Variants in THSD4 observed in about 807,000 individuals in gnomAD.
The protein encoded by THSD4 is thrombospondin type-1 domain-containing protein 4.
Under a neutral mutation model 119.0 loss-of-function variants are expected in THSD4, and 69 were observed. That is an observed-to-expected ratio of 0.58 (90% CI 0.48 to 0.71). The LOEUF is 0.71. Ranked by LOEUF, THSD4 falls within the 30% of genes least tolerant of loss-of-function variation. The probability of loss-of-function intolerance (pLI) is 0.00; values close to 1 mark genes in which losing one functional copy is unlikely to be tolerated. For synonymous variants in THSD4, 524 were observed against 540.4 expected, an observed-to-expected ratio of 0.97 and a Z score of 0.42; for missense variants, 1,393 against 1,391.1, an observed-to-expected ratio of 1.00 and a Z score of -0.02.
chr15:71,210,754 T>C (rs2043881741), intron 3 of THSD4, among the ~76,000 whole-genome samples: 1 of 152,202 alleles, frequency 6.6e-6, no homozygotes, highest in Non-Finnish European at 1.5e-5. Flanking sequence ...TTTTCACTAA[T>C]TAATATAGTG....
At chr15:71,691,720 T>C (rs2052054225) in intron 8 of THSD4, among the ~76,000 whole-genome samples, 1 of 152,204 alleles carries the variant, frequency 6.6e-6, no homozygotes, top group Admixed American at 6.5e-5. Context: ...CCCTGGGAAG[T>C]GTTTCTCTTT....
At chr15:71,441,544 C>T (rs561544965) in intron 7 of THSD4, among the ~76,000 whole-genome samples, 60 of 149,840 alleles carry the variant, frequency 4.0e-4, no homozygotes, top group East Asian at 3.4e-3. Flanking sequence ...TACAGGTGTG[C>T]GCCACCACAC....
At chr15:71,560,542 T>C (rs898285461) in intron 7 of THSD4, among the ~76,000 whole-genome samples, 1 of 152,226 alleles carries the variant, frequency 6.6e-6, no homozygotes, top group African/African-American at 2.4e-5. Flanking sequence ...TGAAGAATGC[T>C]TAGGGGTTTC....
At chr15:71,241,997 C>T (rs976370031) in intron 4 of THSD4, among the ~76,000 whole-genome samples, 1 of 152,094 alleles carries the variant, frequency 6.6e-6, no homozygotes, top group Non-Finnish European at 1.5e-5. Flanking sequence ...TGAAGATGGC[C>T]ATTTACCCAT....
At chr15:71,692,524 G>C (rs1429927018) in intron 8 of THSD4, among the ~76,000 whole-genome samples, 3 of 152,170 alleles carry the variant, frequency 2.0e-5, no homozygotes, top group Non-Finnish European at 4.4e-5. Context: ...GCAGTGTACA[G>C]GGAGCTACCA....
chr15:71,356,852 A>G (rs2045820043), intron 6 of THSD4, among the ~76,000 whole-genome samples: 1 of 152,074 alleles, frequency 6.6e-6, no homozygotes, highest in Non-Finnish European at 1.5e-5. Flanking sequence ...CCTTCTCTAC[A>G]GGGAATTTTA....
intron 7 of THSD4, among the ~76,000 whole-genome samples, chr15:71,412,896 GACAT>G (rs999371876): frequency 1.3e-4 from 20 of 152,260 alleles, no homozygotes; most frequent in Middle Eastern, 3.4e-3. Flanking sequence ...TTTTGATACA[GACAT>G]ACAGTGTGTA....
chr15:71,687,473 T>C (rs1329459315), intron 8 of THSD4, among the ~76,000 whole-genome samples: 1 of 152,082 alleles, frequency 6.6e-6, no homozygotes, highest in African/African-American at 2.4e-5. Context: ...GCCAGCACCT[T>C]GGCCAGGCGC....
At chr15:71,209,293 G>A (rs536148809) in intron 3 of THSD4, among the ~76,000 whole-genome samples, 25 of 152,104 alleles carry the variant, frequency 1.6e-4, no homozygotes, top group African/African-American at 1.4e-4. Flanking sequence ...TAGCAGATTC[G>A]CATTCTTTTA....
intron 3 of THSD4, among the ~76,000 whole-genome samples, chr15:71,156,665 C>A (rs28645452): frequency 6.6e-6 from 1 of 152,066 alleles, no homozygotes; most frequent in Non-Finnish European, 1.5e-5. Flanking sequence ...GGGAGCAGTT[C>A]TTTGCGTTCT....
intron 1 of THSD4, among the ~76,000 whole-genome samples, chr15:71,133,383 T>G (rs908608553): frequency 1.3e-5 from 2 of 152,188 alleles, no homozygotes; most frequent in African/African-American, 4.8e-5. Context: ...AGCCCCCACC[T>G]GAGTTTGAAT....
chr15:71,236,637 A>G (rs1453587548), intron 4 of THSD4, among the ~76,000 whole-genome samples: 2 of 152,268 alleles, frequency 1.3e-5, no homozygotes, highest in African/African-American at 4.8e-5. Flanking sequence ...GGTTTGAGCC[A>G]TTCGTTTGTT....
intron 6 of THSD4, among the ~76,000 whole-genome samples, chr15:71,326,253 T>C (rs2045336078): frequency 6.6e-6 from 1 of 152,064 alleles, no homozygotes; most frequent in Admixed American, 6.5e-5. Flanking sequence ...TACAGGGTAG[T>C]TGTGAGGGGT....
chr15:71,111,682 C>T (rs573661910), upstream of THSD4: 3 of 545,454 alleles, frequency 5.5e-6, no homozygotes, highest in African/African-American at 5.6e-5. Context: ...CTGGTACCTC[C>T]TTCAGAGCTT....
chr15:71,321,528 T>G (rs2045268593), intron 6 of THSD4, among the ~76,000 whole-genome samples: 1 of 152,166 alleles, frequency 6.6e-6, no homozygotes, highest in African/African-American at 2.4e-5. Flanking sequence ...AGAGCGAGAT[T>G]CCGTCTCCAA....
intron 7 of THSD4, among the ~76,000 whole-genome samples, chr15:71,579,138 T>C (rs983776995): frequency 1.3e-5 from 2 of 152,192 alleles, no homozygotes; most frequent in Non-Finnish European, 2.9e-5. Flanking sequence ...TGCATTAACT[T>C]TTTAATCAAA....
chr15:71,768,725 C>T (rs894000266), intron 16 of THSD4, among the ~76,000 whole-genome samples: 3 of 150,806 alleles, frequency 2.0e-5, no homozygotes, highest in Non-Finnish European at 3.0e-5. Context: ...CCACCATGCA[C>T]GGCTAATTTT....
chr15:71,387,325 G>T (rs1324652768), intron 6 of THSD4, among the ~76,000 whole-genome samples: 2 of 152,134 alleles, frequency 1.3e-5, no homozygotes, highest in Non-Finnish European at 2.9e-5. Context: ...CTGTGATTTG[G>T]TGATTCTCTC....
intron 7 of THSD4, among the ~76,000 whole-genome samples, chr15:71,473,689 A>T (rs913358922): frequency 6.6e-6 from 1 of 152,196 alleles, no homozygotes; most frequent in African/African-American, 2.4e-5. Context: ...CTGGGGTATC[A>T]AGGACCCTGA....
Sources: allele counts gnomAD v4.1 joint callset (sites outside exome capture counted in the v4.1 genomes callset), GRCh38; gene constraint gnomAD v4.1.1; transcripts MANE v1.5; gene names NCBI Gene and HGNC (gene_info 2026-07-23, HGNC 2026-07-21).